CCSER1: variants seen among roughly 807,000 people sequenced by gnomAD.
The protein encoded by CCSER1 is coiled-coil serine rich protein 1.
A neutral mutation model predicts 82.0 loss-of-function variants in CCSER1; 41 were observed. That is an observed-to-expected ratio of 0.50 (90% CI 0.39 to 0.65). The LOEUF is 0.65. Among genes scored for constraint, CCSER1 ranks in the 30% least tolerant of loss-of-function variants. The pLI, the probability that CCSER1 is intolerant of heterozygous loss-of-function variation, is 0.00. For synonymous variants in CCSER1, 414 were observed against 383.9 expected, an observed-to-expected ratio of 1.08 and a Z score of -0.92; for missense variants, 1,119 against 1,064.2, an observed-to-expected ratio of 1.05 and a Z score of -0.72.
chr4:90,409,740 A>C (rs1031670403), intron 4 of CCSER1, among the ~76,000 whole-genome samples: 3 of 152,236 alleles, frequency 2.0e-5, no homozygotes, highest in African/African-American at 4.8e-5. Context: ...CAAAATAAGC[A>C]GCTAACATCA....
chr4:91,538,769 G>T (rs1191516723), intron 10 of CCSER1, among the ~76,000 whole-genome samples: 1 of 144,050 alleles, frequency 6.9e-6, no homozygotes, highest in Non-Finnish European at 1.5e-5. Context: ...TGGAACTGTT[G>T]TGGAGACAAA....
At chr4:91,345,794 G>C (rs895996234) in intron 10 of CCSER1, among the ~76,000 whole-genome samples, 1 of 151,982 alleles carries the variant, frequency 6.6e-6, no homozygotes, top group Non-Finnish European at 1.5e-5. Context: ...TATTATGTAG[G>C]ACAGTTTCAC....
At chr4:90,460,623 C>G (rs1762776631) in intron 4 of CCSER1, among the ~76,000 whole-genome samples, 1 of 152,076 alleles carries the variant, frequency 6.6e-6, no homozygotes, top group Non-Finnish European at 1.5e-5. Context: ...CAGTTTTACG[C>G]AATTCCTTCA....
At chr4:91,477,921 A>C (rs1432267228) in intron 10 of CCSER1, among the ~76,000 whole-genome samples, 1 of 151,856 alleles carries the variant, frequency 6.6e-6, no homozygotes, top group Non-Finnish European at 1.5e-5. Flanking sequence ...CAAATAGAAA[A>C]GAAATCAAAA....
At chr4:90,932,906 AGG>A (rs370857372) in intron 9 of CCSER1, among the ~76,000 whole-genome samples, 1,320 of 69,840 alleles carry the variant, frequency 0.019, 142 homozygotes, top group African/African-American at 0.033. Flanking sequence ...AGGAGAAAGA[AGG>A]AGAAAGAAAG....
At chr4:90,358,905 A>C (rs983016994) in intron 3 of CCSER1, among the ~76,000 whole-genome samples, 1 of 152,226 alleles carries the variant, frequency 6.6e-6, no homozygotes, top group Non-Finnish European at 1.5e-5. Flanking sequence ...AGAGCATGCC[A>C]GGAATTATAA....
At chr4:91,123,688 A>G (rs555580897) in intron 10 of CCSER1, among the ~76,000 whole-genome samples, 1 of 151,932 alleles carries the variant, frequency 6.6e-6, no homozygotes, top group Non-Finnish European at 1.5e-5. Flanking sequence ...TAGAACAACT[A>G]TGTGATACCC....
At chr4:90,393,353 GA>G in intron 3 of CCSER1, among the ~76,000 whole-genome samples, 1 of 152,278 alleles carries the variant, frequency 6.6e-6, no homozygotes, top group Non-Finnish European at 1.5e-5. Flanking sequence ...GTTTCCCTGT[GA>G]GTCACTCTGT....
At chr4:91,124,378 A>G (rs762562730) in intron 10 of CCSER1, among the ~76,000 whole-genome samples, 20 of 151,810 alleles carry the variant, frequency 1.3e-4, no homozygotes, top group Non-Finnish European at 2.8e-4. Flanking sequence ...ACTCTCTACA[A>G]ACCTGAATAT....
chr4:90,738,645 G>C (rs142766870), intron 7 of CCSER1, among the ~76,000 whole-genome samples: 1 of 152,216 alleles, frequency 6.6e-6, no homozygotes, highest in East Asian at 1.9e-4. Flanking sequence ...GCTATCACCT[G>C]TGTTCACTCA....
intron 10 of CCSER1, among the ~76,000 whole-genome samples, chr4:91,532,293 A>ACTAGAAAAAGACGCATTATAAATGATAC (rs1233853447): frequency 6.6e-6 from 1 of 152,202 alleles, no homozygotes. Flanking sequence ...TGCATTTCTA[A>ACTAGAAAAAGACGCATTATAAATGATAC]CTAGAAAAAG....
At chr4:90,273,836 G>GGAAA (rs1727049529) in intron 1 of CCSER1, among the ~76,000 whole-genome samples, 4 of 151,956 alleles carry the variant, frequency 2.6e-5, no homozygotes, top group Admixed American at 2.6e-4. Flanking sequence ...AGAAAGGAAG[G>GGAAA]GAAAGAAGCA....
chr4:90,309,142 C>T lies in CCSER1; in HGVS notation c.858C>T (p.Asn286=). 6.2e-7 allele frequency: 1 copy of T among 1,613,910 alleles called. No individual in the cohort carries two copies. Among genetic ancestry groups the T allele is most frequent in the Non-Finnish European group, 8.5e-7 (1 of 1,179,832 alleles). ...GAAGCATGGCATCCCACTGTGACAA[C>T]TTTGGCCACAATGATTCTACCTCTC... The part of the protein sequence containing the change: ...KSGSMASHCD[N]FGHNDSTSQM... Residue 286 remains asparagine (N), a synonymous_variant, in exon 2 of 11, where the codon AAC becomes AAT. Coordinates refer to ENST00000509176, the MANE Select transcript of CCSER1 (RefSeq NM_001145065.2).
At chr4:90,621,567 G>A (rs1258573870) in intron 5 of CCSER1, among the ~76,000 whole-genome samples, 1 of 150,272 alleles carries the variant, frequency 6.7e-6, no homozygotes, top group Admixed American at 6.6e-5. Context: ...TATTTATAAT[G>A]CTGATTAAAA....
intron 9 of CCSER1, among the ~76,000 whole-genome samples, chr4:90,965,375 C>T (rs71611416): frequency 0.023 from 3,541 of 152,154 alleles, 59 homozygotes; most frequent in Non-Finnish European, 0.034. Context: ...CCAAGAAAGA[C>T]CTGACAAGGC....
At chr4:91,016,267 A>G (rs980876943) in intron 9 of CCSER1, among the ~76,000 whole-genome samples, 2 of 152,024 alleles carry the variant, frequency 1.3e-5, no homozygotes, top group African/African-American at 4.8e-5. Context: ...GAAATGATTT[A>G]TAAAGTTTTA....
At chr4:91,337,058 G>A (rs1368192150) in intron 10 of CCSER1, among the ~76,000 whole-genome samples, 1 of 152,060 alleles carries the variant, frequency 6.6e-6, no homozygotes, top group Non-Finnish European at 1.5e-5. Flanking sequence ...ATTGATGACA[G>A]CTCCTCAAAA....
intron 10 of CCSER1, among the ~76,000 whole-genome samples, chr4:91,528,231 T>A (rs188704553): frequency 1.3e-5 from 2 of 152,282 alleles, no homozygotes; most frequent in African/African-American, 4.8e-5. Flanking sequence ...CAAGTGCTAA[T>A]ATATTTGCTA....
At position 91,503,266 on chromosome 4, in the gene CCSER1, C is replaced by T. The variant is rs561357388; in HGVS notation, c.2218-95306C>T. Among the ~76,000 whole-genome samples the T allele has an allele frequency of 1.3e-4, 20 of 150,194 alleles. 1 individual carries two copies. The South Asian group carries it at 3.6e-3, about 27-fold the overall frequency. On this transcript the variant is annotated intron_variant, in intron 10 of 10. Transcript: ENST00000509176. Reference sequence around the variant, plus strand: ...CTGAGGCAGGAGAATGGAGTGAACCCGGGAGGCGGAGCTTGCAGTGAGCCA... The same window carrying T: ...CTGAGGCAGGAGAATGGAGTGAACCTGGGAGGCGGAGCTTGCAGTGAGCCA...
Sources: gnomAD v4.1 joint callset for allele counts (sites outside exome capture counted in the v4.1 genomes callset) on GRCh38, gnomAD v4.1.1 for gene constraint, MANE v1.5 for transcripts, NCBI Gene and HGNC (gene_info 2026-07-23, HGNC 2026-07-21) for gene names.